UNKL: variants seen among roughly 807,000 people sequenced by gnomAD.
UNKL encodes putative E3 ubiquitin-protein ligase UNKL.
In UNKL, 60 loss-of-function variants were observed where a neutral mutation model predicts 78.0. The ratio of observed to expected loss-of-function variants is 0.77; its 90% confidence interval spans 0.63 to 0.95. UNKL has a LOEUF of 0.95. Ranked by LOEUF, UNKL falls within the 40% of genes least tolerant of loss-of-function variation. The pLI is 0.00. For synonymous variants in UNKL, 608 were observed against 474.8 expected (o/e 1.28, Z -3.65); for missense variants, 1,159 against 1,045.7 (o/e 1.11, Z -1.49).
chr16:1,399,394 G>T lies in UNKL; in HGVS notation c.714C>A (p.Asn238Lys), dbSNP rs1478121066. ...HYHNSRDRRR[N>K]PRRFQYRSTP... ...CTCACCTGTACTGGAACCGCCGGGG[G>T]TTGCGCCGCCTGTCCCGGCTATTGT... The change falls in exon 5 of 15, where the codon AAC becomes AAA. Residue 238 changes from asparagine to lysine, a missense_variant. By Grantham distance (94) the Asn-to-Lys change is moderately conservative. Coordinates refer to ENST00000389221, the MANE Select transcript of UNKL (RefSeq NM_001372107.1). The surrounding 1 kb of genome is among the most constrained non-coding windows in gnomAD (Gnocchi z 5.8). 1 of 1,601,042 alleles carries T rather than the reference G, an allele frequency of 6.2e-7. No homozygotes were observed. The highest frequency in any genetic ancestry group is 8.5e-7 in the Non-Finnish European group (1 of 1,173,656).
rs180789670 is a variant in UNKL at position 1,367,881 on chromosome 16, C to T, written c.1586-23G>A. 11 of 1,537,356 alleles carry T rather than the reference C, an allele frequency of 7.2e-6. 1 individual carries two copies. Among genetic ancestry groups the T allele is most frequent in the South Asian group, 4.9e-5 (4 of 81,642 alleles). ...AACCTGAGTGTGAAACGGTCGATGA[C>T]GGCCCAGCCCTGCTGTGCTCGCGGC... On this transcript the variant is annotated intron_variant, in intron 12 of 14. Transcript: ENST00000389221.
At chr16:1,408,232 G>T (rs544540167) in intron 2 of UNKL, among the ~76,000 whole-genome samples, 1 of 150,830 alleles carries the variant, frequency 6.6e-6, no homozygotes, top group South Asian at 2.1e-4. Flanking sequence ...CACCCCCGGG[G>T]CCTCAAGGCC....
chr16:1,363,458 C>A lies in UNKL; in HGVS notation c.*2782G>T. ...ATCCACTTGAGGCGTCCACGCGGAA[C>A]AAGGTCTGCTGACCACAGTTACACA... On this transcript the variant is annotated 3_prime_UTR_variant, in exon 15 of 15. Transcript: ENST00000389221. 1 of 342,482 alleles carries A rather than the reference C, an allele frequency of 2.9e-6. No individual in the cohort carries two copies. The highest frequency in any genetic ancestry group is 5.7e-6 in the Non-Finnish European group (1 of 175,924). The allele number at this position is 342,482 out of a possible 1,614,324, so 21.2% of individuals were successfully genotyped here. A position where few individuals can be genotyped will look rare whatever the true frequency, so the allele number is the denominator to read the frequency against.
rs1002006502 is a variant in UNKL at position 1,394,121 on chromosome 16, G to A, written c.937+10C>T. On this transcript the variant is annotated intron_variant, in intron 7 of 14. Transcript: ENST00000389221. ...GCTAAGGTGAACCTGCCACAGGGAC[G>A]GTTACTCACTCTCAACGTGTGCAAA... The A allele has an allele frequency of 1.3e-5, 20 of 1,549,436 alleles. No individual in the cohort carries two copies. The African/African-American group carries it at 1.5e-4, about 12-fold the overall frequency.
At position 1,367,218 on chromosome 16, in the gene UNKL, C is replaced by T. The variant is rs748988407; in HGVS notation, c.1920G>A (p.Leu640=). 4 of 1,603,618 alleles carry T rather than the reference C, an allele frequency of 2.5e-6. No individual in the cohort carries two copies. The highest frequency in any genetic ancestry group is 1.1e-5 in the South Asian group (1 of 89,426). ...GTGTGGAGGCTACGCCCAGGCCCTCCAGCTCCTCCTGCAGCTGCTTCACCT... is the reference window on the plus strand; with the variant it reads ...GTGTGGAGGCTACGCCCAGGCCCTCTAGCTCCTCCTGCAGCTGCTTCACCT... ...EAQVKQLQEE[L]EGLGVASTLP... is the part of the protein sequence containing the mutation. Residue 640 remains leucine, a synonymous_variant, in exon 14 of 15, where the codon CTG becomes CTA. Transcript: ENST00000389221.
intron 2 of UNKL, among the ~76,000 whole-genome samples, chr16:1,408,260 GCCC>G (rs35934973): frequency 1.9e-4 from 28 of 150,218 alleles, no homozygotes; most frequent in African/African-American, 3.4e-4. Flanking sequence ...CATGGGAGCT[GCCC>G]CCCCCCCCAA....
Position 1,363,272 on chromosome 16 carries a change from C to T in UNKL, c.*2968G>A, listed in dbSNP as rs2034978536. Reference sequence around the variant, plus strand: ...ACTCCATGAATTCTGTAAACCATTGCATAAATGCTATAGTGTAAAAAAATT... The same window carrying T: ...ACTCCATGAATTCTGTAAACCATTGTATAAATGCTATAGTGTAAAAAAATT... On this transcript the variant is annotated 3_prime_UTR_variant, in exon 15 of 15. Coordinates refer to ENST00000389221, the MANE Select transcript of UNKL (RefSeq NM_001372107.1). The T allele has an allele frequency of 1.5e-6, 1 of 649,656 alleles. No individual in the cohort carries two copies. Among genetic ancestry groups the T allele is most frequent in the Non-Finnish European group, 2.8e-6 (1 of 363,492 alleles). 40.2% of individuals were successfully genotyped at this position (649,656 alleles called of 1,614,324 possible).
At chr16:1,385,105 G>A in intron 10 of UNKL, 103 bp downstream of exon 10, 8 of 958,184 alleles carry the variant, frequency 8.3e-6, no homozygotes, top group Non-Finnish European at 8.1e-6. Context: ...CTACAAAAAT[G>A]ACGATTCTGT....
chr16:1,411,190 C>T (rs918790867), intron 2 of UNKL, among the ~76,000 whole-genome samples: 2 of 152,024 alleles, frequency 1.3e-5, no homozygotes, highest in African/African-American at 4.8e-5. Flanking sequence ...AACCCCTTCT[C>T]TACTAAAAAT....
chr16:1,396,530 C>A (rs2037268380), intron 6 of UNKL, among the ~76,000 whole-genome samples: 1 of 151,720 alleles, frequency 6.6e-6, no homozygotes, highest in Non-Finnish European at 1.5e-5. Flanking sequence ...CCCGCCTCTG[C>A]CTCCCAAAGT....
At chr16:1,379,789 TCCC>T in intron 10 of UNKL, 11 of 778,198 alleles carry the variant, frequency 1.4e-5, no homozygotes, top group Non-Finnish European at 1.7e-5. Context: ...CCCCCAACCT[TCCC>T]CCCGACTCGG....
chr16:1,369,946 A>G (rs11248874), intron 12 of UNKL, 184 bp downstream of exon 12: 1,434,742 of 1,549,066 alleles, frequency 0.93, 664,801 homozygotes, highest in East Asian at 1. Flanking sequence ...TTGCAGTCCA[A>G]CCTGGGCGAC....
At chr16:1,366,595 A>G (rs922441027) in intron 14 of UNKL, among the ~76,000 whole-genome samples, 200 bp from the exon 15 acceptor site, 1 of 152,006 alleles carries the variant, frequency 6.6e-6, no homozygotes, top group African/African-American at 2.4e-5. Flanking sequence ...GCTCTGTCTT[A>G]AGAGCCCTGG....
chr16:1,378,686 A>C (rs2036423537), intron 10 of UNKL, among the ~76,000 whole-genome samples: 1 of 152,096 alleles, frequency 6.6e-6, no homozygotes, highest in Admixed American at 6.5e-5. Flanking sequence ...GAAGCCCGGG[A>C]AGCTGCCTGG....
In UNKL at chr16:1,403,372, T is replaced by A. The variant is rs764584235; in HGVS notation, c.288-28A>T. ...GGGGAGCAGAGAGGCACGCAATGCC[T>A]GGTTATCATGGACCCAGAGGCAGCC... On this transcript the variant is annotated intron_variant, in intron 2 of 14. Coordinates refer to ENST00000389221, the MANE Select transcript of UNKL (RefSeq NM_001372107.1). The surrounding 1 kb of genome is among the most constrained non-coding windows in gnomAD (Gnocchi z 4.8). 1.6e-5 allele frequency: 26 copies of A among 1,606,922 alleles called. 1 individual carries two copies. In the South Asian group the frequency reaches 2.7e-4, roughly 17 times the overall value.
intron 6 of UNKL, chr16:1,395,581 G>A (rs543274886): frequency 2.8e-5 from 12 of 424,532 alleles, no homozygotes; most frequent in African/African-American, 1.8e-4. Context: ...CACAGGCCTG[G>A]CTCCATCTCA....
Position 1,399,066 on chromosome 16 carries a change from A to G in UNKL, c.734+308T>C. ...GCAACCAGAGGCACGGGTGGGGCAC[A>G]CGGGGGTCCCAGCTGGGCTTGGGGT... On this transcript the variant is annotated intron_variant, in intron 5 of 14. Coordinates refer to ENST00000389221, the MANE Select transcript of UNKL (RefSeq NM_001372107.1). The surrounding 1 kb of genome is among the most constrained non-coding windows in gnomAD (Gnocchi z 5.8). 3 of 1,366,786 alleles carry G rather than the reference A, an allele frequency of 2.2e-6. No individual in the cohort carries two copies. The highest frequency in any genetic ancestry group is 2.9e-6 in the Non-Finnish European group (3 of 1,036,080). The allele number at this position is 1,366,786 out of a possible 1,614,324, so 84.7% of individuals were successfully genotyped here.
chr16:1,414,523 C>T (rs2038192834), intron 1 of UNKL, 92 bp downstream of exon 1: 2 of 294,664 alleles, frequency 6.8e-6, no homozygotes, highest in African/African-American at 4.6e-5. Context: ...GGCCGGGGGG[C>T]GCGGGGGCGG....
chr16:1,379,688 G>C, intron 10 of UNKL: 1 of 984,392 alleles, frequency 1.0e-6, no homozygotes, highest in African/African-American at 1.7e-5. Flanking sequence ...TTCAAACCCG[G>C]CCCGCGCCCC....
Sources: allele counts gnomAD v4.1 joint callset (sites outside exome capture counted in the v4.1 genomes callset), GRCh38; gene constraint gnomAD v4.1.1; non-coding constraint Gnocchi (gnomAD v3.1); transcripts MANE v1.5; gene names NCBI Gene and HGNC (gene_info 2026-07-23, HGNC 2026-07-21).